The following CDK8 variants were observed in gnomAD, a reference collection of about 807,000 sequenced individuals.
CDK8 encodes cyclin-dependent kinase 8.
In CDK8, 29 loss-of-function variants were observed where a neutral mutation model predicts 71.5. The observed-to-expected ratio is 0.41, with a 90% CI of 0.30 to 0.55. CDK8 has a LOEUF of 0.55. Among genes scored for constraint, CDK8 ranks in the 20% least tolerant of loss-of-function variants. The probability of loss-of-function intolerance (pLI) is 0.37; values close to 1 mark genes in which losing one functional copy is unlikely to be tolerated. For synonymous variants in CDK8, 161 were observed against 192.1 expected (o/e 0.84, Z 1.34); for missense variants, 288 against 572.6 (o/e 0.50, Z 5.07).
intron 4 of CDK8, among the ~76,000 whole-genome samples, chr13:26,362,476 T>C (rs1416205830): frequency 6.6e-6 from 1 of 152,180 alleles, no homozygotes; most frequent in Non-Finnish European, 1.5e-5. Context: ...GGGGAGCTAC[T>C]GTACAAGTCC....
intron 10 of CDK8, 31 bp downstream of exon 10, chr13:26,400,581 A>C (rs200737833): frequency 1.5e-6 from 2 of 1,306,000 alleles, no homozygotes. Flanking sequence ...ACTCATCAGC[A>C]TGATGGAAGT....
chr13:26,404,230 G>C lies in CDK8; in HGVS notation c.*149G>C. ...TAGCCAAGTTCCACCACTTTTCACA[G>C]ATTGGGGTAGTGGCTTCCAAGTTGT... On this transcript the variant is annotated 3_prime_UTR_variant, in exon 13 of 13. Coordinates refer to ENST00000381527, the MANE Select transcript of CDK8 (RefSeq NM_001260.3). 2 of 865,842 alleles carry C rather than the reference G, an allele frequency of 2.3e-6. No individual in the cohort carries two copies. The highest frequency in any genetic ancestry group is 1.7e-6 in the Non-Finnish European group (1 of 581,598). The allele number at this position is 865,842 out of a possible 1,614,324, so 53.6% of individuals were successfully genotyped here.
chr13:26,291,778 C>T (rs1407850339), intron 1 of CDK8, among the ~76,000 whole-genome samples: 4 of 152,194 alleles, frequency 2.6e-5, no homozygotes, highest in Admixed American at 1.3e-4. Context: ...TGCAAACTTT[C>T]TTTCCCCATC....
At position 26,275,545 on chromosome 13, in the gene CDK8, AT is replaced by A. The variant is rs199891727; in HGVS notation, c.128+20784del. Among the ~76,000 whole-genome samples, 892 of 152,052 alleles carry A rather than the reference AT, an allele frequency of 5.9e-3. 10 individuals carry two copies. Among genetic ancestry groups the A allele is most frequent in the African/African-American group, 0.02 (842 of 41,472 alleles). ...CATGTAATATTTGTGACATATGAAA[AT>A]TTTTTTTATGTTTATCTGAAATGCA... On this transcript the variant is annotated intron_variant, in intron 1 of 12. Coordinates refer to ENST00000381527, the MANE Select transcript of CDK8 (RefSeq NM_001260.3).
chr13:26,396,539 A>G (rs1876002446), intron 8 of CDK8, among the ~76,000 whole-genome samples, 185 bp downstream of exon 8: 1 of 152,154 alleles, frequency 6.6e-6, no homozygotes, highest in Non-Finnish European at 1.5e-5. Context: ...TTAAATGATT[A>G]TATACAAAAG....
intron 1 of CDK8, among the ~76,000 whole-genome samples, chr13:26,285,644 C>T (rs1016830140): frequency 2.0e-5 from 3 of 152,148 alleles, no homozygotes; most frequent in Non-Finnish European, 4.4e-5. Flanking sequence ...CCAGCCAGAG[C>T]AGTCAGACAA....
intron 4 of CDK8, 108 bp downstream of exon 4, chr13:26,353,988 AAGT>A: frequency 1.1e-6 from 1 of 899,712 alleles, no homozygotes; most frequent in Non-Finnish European, 1.8e-6. Context: ...AACCTTATAG[AAGT>A]AGTGAGAATG....
chr13:26,364,033 T>C (rs1181210061), intron 4 of CDK8, among the ~76,000 whole-genome samples: 5 of 152,236 alleles, frequency 3.3e-5, no homozygotes, highest in Admixed American at 3.3e-4. Flanking sequence ...GTTTGAGGTG[T>C]ATTTTCTTAT....
intron 4 of CDK8, among the ~76,000 whole-genome samples, chr13:26,381,132 T>C (rs1875205390): frequency 6.6e-6 from 1 of 151,842 alleles, no homozygotes; most frequent in South Asian, 2.1e-4. Flanking sequence ...GTTTAGGGAG[T>C]CCTGCTCTGA....
chr13:26,310,037 T>A (rs949739322), intron 1 of CDK8, among the ~76,000 whole-genome samples: 20 of 152,238 alleles, frequency 1.3e-4, no homozygotes, highest in Admixed American at 1.3e-3. Flanking sequence ...ATTACAGGCA[T>A]GAGCCACTGT....
intron 1 of CDK8, among the ~76,000 whole-genome samples, chr13:26,335,263 G>C (rs1872928331): frequency 6.6e-6 from 1 of 152,074 alleles, no homozygotes. Context: ...AACCATTTTT[G>C]CCTACTCCAC....
chr13:26,390,930 G>T (rs1057172007), intron 6 of CDK8, among the ~76,000 whole-genome samples: 6 of 150,514 alleles, frequency 4.0e-5, no homozygotes, highest in Non-Finnish European at 8.8e-5. Context: ...TTTTAATTTG[G>T]AAAGCCATTT....
intron 12 of CDK8, among the ~76,000 whole-genome samples, chr13:26,402,417 G>A (rs113197961): frequency 1.9e-4 from 29 of 152,110 alleles, no homozygotes; most frequent in African/African-American, 6.0e-4. Context: ...CTACACAAGG[G>A]TTCAGTGTGG....
At chr13:26,380,424 G>A (rs569509286) in intron 4 of CDK8, among the ~76,000 whole-genome samples, 18 of 152,062 alleles carry the variant, frequency 1.2e-4, no homozygotes, top group East Asian at 5.8e-4. Context: ...CAGGCGACCC[G>A]CCCACCTTGG....
chr13:26,371,531 G>A (rs769500191), intron 4 of CDK8, among the ~76,000 whole-genome samples: 1 of 152,182 alleles, frequency 6.6e-6, no homozygotes, highest in Non-Finnish European at 1.5e-5. Flanking sequence ...TATTGTAGCA[G>A]AAGGATTAAA....
At chr13:26,396,985 T>G (rs1270628128) in intron 8 of CDK8, among the ~76,000 whole-genome samples, 168 bp from the exon 9 acceptor site, 1 of 152,122 alleles carries the variant, frequency 6.6e-6, no homozygotes, top group Non-Finnish European at 1.5e-5. Context: ...ATTGTGGATA[T>G]TGAATGAAAT....
At chr13:26,294,670 A>T (rs1461377486) in intron 1 of CDK8, among the ~76,000 whole-genome samples, 3 of 152,098 alleles carry the variant, frequency 2.0e-5, no homozygotes, top group Non-Finnish European at 4.4e-5. Context: ...GATGCTCAGC[A>T]TTTTTTCGTA....
chr13:26,284,719 A>G (rs1313336313), intron 1 of CDK8, among the ~76,000 whole-genome samples: 1 of 152,134 alleles, frequency 6.6e-6, no homozygotes. Flanking sequence ...AGTTTTACTA[A>G]AACTATTCCA....
intron 1 of CDK8, among the ~76,000 whole-genome samples, chr13:26,291,216 G>A (rs909658508): frequency 6.6e-6 from 1 of 152,048 alleles, no homozygotes; most frequent in Non-Finnish European, 1.5e-5. Context: ...TGTAGCCTAG[G>A]AACAATGAGC....
Sources: allele counts gnomAD v4.1 joint callset (sites outside exome capture counted in the v4.1 genomes callset), GRCh38; gene constraint gnomAD v4.1.1; transcripts MANE v1.5; gene names NCBI Gene and HGNC (gene_info 2026-07-23, HGNC 2026-07-21).